Variants in FGFR2 observed in about 807,000 individuals in gnomAD.
FGFR2 encodes BEK fibroblast growth factor receptor.
A neutral mutation model predicts 95.9 loss-of-function variants in FGFR2; 19 were observed. The ratio of observed to expected loss-of-function variants is 0.20; its 90% CI spans 0.14 to 0.29. The LOEUF (loss-of-function observed/expected upper bound fraction) is 0.29. FGFR2 is among the 10% of genes least tolerant of loss of function. FGFR2 has a pLI of 1.00. For synonymous variants in FGFR2, 392 were observed against 393.3 expected (o/e 1.00, Z 0.04); for missense variants, 707 against 1,056.9 (o/e 0.67, Z 4.59).
At position 121,562,942 on chromosome 10, in the gene FGFR2, CG is replaced by C. The variant is rs570795604; in HGVS notation, c.454+1559del. Among the ~76,000 whole-genome samples the C allele has an allele frequency of 1.5e-4, 23 of 152,114 alleles. No individual in the cohort carries two copies. In the East Asian group the frequency reaches 1.5e-3, roughly 10 times the overall value. The stretch of plus-strand genomic sequence containing the variant: ...ATTTTGCTGTGGACCTGAAACTGCT[CG>C]AAAAAATAAAGTATTGCCAGGCGCA... On this transcript the variant is annotated intron_variant, in intron 4 of 17. Transcript: ENST00000358487.
At chr10:121,508,086 C>A (rs958790287) in intron 9 of FGFR2, among the ~76,000 whole-genome samples, 3 of 152,166 alleles carry the variant, frequency 2.0e-5, no homozygotes, top group Non-Finnish European at 4.4e-5. Flanking sequence ...AAATACTACA[C>A]CATTTTAAAT....
intron 2 of FGFR2, among the ~76,000 whole-genome samples, chr10:121,566,800 G>A (rs866309027): frequency 4.0e-5 from 6 of 151,840 alleles, no homozygotes; most frequent in African/African-American, 1.5e-4. Flanking sequence ...TCCCGCCACC[G>A]ACCCCATCCT....
intron 5 of FGFR2, among the ~76,000 whole-genome samples, chr10:121,547,385 AG>A (rs1854673513): frequency 6.6e-6 from 1 of 150,794 alleles, no homozygotes; most frequent in Non-Finnish European, 1.5e-5. Context: ...AAATGTGCAA[AG>A]GTACCTTTTT....
intron 4 of FGFR2, among the ~76,000 whole-genome samples, chr10:121,552,051 A>G (rs1855493993): frequency 6.6e-6 from 1 of 152,064 alleles, no homozygotes; most frequent in Non-Finnish European, 1.5e-5. Context: ...CACTAAATAC[A>G]TACTAACTTT....
intron 2 of FGFR2, among the ~76,000 whole-genome samples, chr10:121,591,441 T>A (rs1862634171): frequency 6.6e-6 from 1 of 152,262 alleles, no homozygotes; most frequent in African/African-American, 2.4e-5. Context: ...GCCCCTGTGC[T>A]AATTGCTCTT....
intron 10 of FGFR2, among the ~76,000 whole-genome samples, chr10:121,501,378 A>G (rs1847582230): frequency 6.6e-6 from 1 of 152,234 alleles, no homozygotes; most frequent in South Asian, 2.1e-4. Flanking sequence ...AATGGATTTT[A>G]TGGTCACATT....
chr10:121,539,299 CT>C (rs1348216216), intron 5 of FGFR2, among the ~76,000 whole-genome samples: 3 of 152,206 alleles, frequency 2.0e-5, no homozygotes, highest in Non-Finnish European at 4.4e-5. Context: ...CTGGTTGTGG[CT>C]GAATAGATAT....
chr10:121,480,953 T>G (rs1056087974), intron 17 of FGFR2, among the ~76,000 whole-genome samples: 17 of 151,988 alleles, frequency 1.1e-4, no homozygotes, highest in African/African-American at 3.6e-4. Flanking sequence ...TCTTATAGGA[T>G]TAAAATGAAT....
chr10:121,504,888 A>G (rs1848080447), intron 9 of FGFR2, among the ~76,000 whole-genome samples: 1 of 152,170 alleles, frequency 6.6e-6, no homozygotes, highest in South Asian at 2.1e-4. Flanking sequence ...TGACTACGCA[A>G]TCTTAGTCTG....
chr10:121,492,297 T>C (rs1846236757), intron 13 of FGFR2, among the ~76,000 whole-genome samples: 1 of 152,222 alleles, frequency 6.6e-6, no homozygotes, highest in African/African-American at 2.4e-5. Flanking sequence ...ATTTTATAAA[T>C]TGTGTAAGGC....
At chr10:121,483,672 AG>A in intron 17 of FGFR2, 25 bp downstream of exon 17, 1 of 1,537,156 alleles carries the variant, frequency 6.5e-7, no homozygotes, top group Non-Finnish European at 9.0e-7. Flanking sequence ...ACCAAGGACA[AG>A]GGGCTTCTAG....
At chr10:121,533,167 T>C (rs886638376) in intron 6 of FGFR2, among the ~76,000 whole-genome samples, 4 of 152,192 alleles carry the variant, frequency 2.6e-5, no homozygotes, top group African/African-American at 9.7e-5. Context: ...GGCGGGCGGA[T>C]CACTCCAGGC....
intron 5 of FGFR2, among the ~76,000 whole-genome samples, chr10:121,539,022 C>G (rs528869716): frequency 1.5e-4 from 23 of 152,198 alleles, no homozygotes; most frequent in Non-Finnish European, 3.4e-4. Flanking sequence ...GGCCAGGGAG[C>G]CTGAACACCA....
At chr10:121,549,451 A>G (rs1855050507) in intron 5 of FGFR2, among the ~76,000 whole-genome samples, 2 of 152,114 alleles carry the variant, frequency 1.3e-5, no homozygotes, top group African/African-American at 4.8e-5. Flanking sequence ...AGCGTCTTCT[A>G]TTCCTCCCAC....
intron 4 of FGFR2, among the ~76,000 whole-genome samples, chr10:121,556,111 T>TGGATGGATGGATGGATGGAC (rs1856089593): frequency 6.6e-6 from 1 of 151,410 alleles, no homozygotes; most frequent in East Asian, 1.9e-4. Context: ...ATTGGATGGA[T>TGGATGGATGGATGGATGGAC]GGATGGATGG....
intron 2 of FGFR2, among the ~76,000 whole-genome samples, chr10:121,571,052 G>A (rs540761010): frequency 4.6e-5 from 7 of 151,434 alleles, no homozygotes; most frequent in Non-Finnish European, 8.8e-5. Context: ...GCAGTGGCGC[G>A]ATCTTGGCTC....
intron 5 of FGFR2, among the ~76,000 whole-genome samples, chr10:121,539,399 ACTT>A (rs963245080): frequency 1.2e-4 from 19 of 152,272 alleles, no homozygotes; most frequent in African/African-American, 4.6e-4. Flanking sequence ...CCGTTCACAA[ACTT>A]CTTGAGACTT....
chr10:121,524,146 ACCC>A (rs1554933622), intron 6 of FGFR2, among the ~76,000 whole-genome samples: 16 of 136,978 alleles, frequency 1.2e-4, no homozygotes, highest in African/African-American at 1.5e-4. Context: ...ACACACACAC[ACCC>A]CAAGTTTGCA....
chr10:121,506,086 G>C (rs994579724), intron 9 of FGFR2, among the ~76,000 whole-genome samples: 2 of 152,054 alleles, frequency 1.3e-5, no homozygotes, highest in African/African-American at 4.8e-5. Context: ...GGCCAGGCGC[G>C]GTGGCTCACG....
Sources: gnomAD v4.1 joint callset for allele counts (sites outside exome capture counted in the v4.1 genomes callset) on GRCh38, gnomAD v4.1.1 for gene constraint, MANE v1.5 for transcripts, NCBI Gene and HGNC (gene_info 2026-07-23, HGNC 2026-07-21) for gene names.